BTBD9: variants seen among roughly 807,000 people sequenced by gnomAD.
BTBD9 encodes the protein BTB/POZ domain-containing protein 9.
A neutral mutation model predicts 64.3 loss-of-function variants in BTBD9; 49 were observed. The ratio of observed to expected loss-of-function variants is 0.76; its 90% CI spans 0.61 to 0.97. The LOEUF is 0.97. BTBD9 is among the 50% of genes least tolerant of loss of function. The probability of loss-of-function intolerance (pLI) is 0.00; values close to 1 mark genes in which losing one functional copy is unlikely to be tolerated. For synonymous variants in BTBD9, 260 were observed against 274.7 expected, an observed-to-expected ratio of 0.95 and a Z score of 0.53; for missense variants, 598 against 762.1, an observed-to-expected ratio of 0.78 and a Z score of 2.53.
intron 7 of BTBD9, among the ~76,000 whole-genome samples, chr6:38,328,674 G>A (rs373298779): frequency 2.7e-5 from 4 of 150,102 alleles, no homozygotes; most frequent in African/African-American, 9.8e-5. Flanking sequence ...GGGGCCGGGC[G>A]CGGTGGCTCA....
At chr6:38,575,564 T>G (rs1303924598) in intron 6 of BTBD9, among the ~76,000 whole-genome samples, 4 of 152,176 alleles carry the variant, frequency 2.6e-5, no homozygotes, top group Non-Finnish European at 5.9e-5. Flanking sequence ...TGAATAATTG[T>G]GAAGATAAGA....
rs79801947 is a variant in BTBD9 at position 38,624,842 on chromosome 6, T to C, written c.-28+14958A>G. 0.02 allele frequency among the ~76,000 whole-genome samples: 3,120 copies of C among 152,310 alleles called. 244 individuals carry two copies. The East Asian group carries it at 0.23, about 11-fold the overall frequency. ...GTCTAATAAGAACTGGTTTCAAGAA[T>C]TAGTGTACCTAGAATACATGGACTC... On this transcript the variant is annotated intron_variant, in intron 1 of 10. Coordinates refer to ENST00000481247, the MANE Select transcript of BTBD9 (RefSeq NM_001099272.2).
At chr6:38,188,651 CACTGTTATGG>C (rs1387451673) in intron 10 of BTBD9, among the ~76,000 whole-genome samples, 1 of 152,186 alleles carries the variant, frequency 6.6e-6, no homozygotes, top group Non-Finnish European at 1.5e-5. Flanking sequence ...AAACGAAGGC[CACTGTTATGG>C]ACTGATGCTT....
chr6:38,200,870 T>C (rs780083554), intron 9 of BTBD9, among the ~76,000 whole-genome samples: 1 of 152,034 alleles, frequency 6.6e-6, no homozygotes, highest in African/African-American at 2.4e-5. Flanking sequence ...CTTCAAACTA[T>C]TCTAAAAAAT....
At chr6:38,256,067 T>TAA (rs780657571) in intron 9 of BTBD9, among the ~76,000 whole-genome samples, 2 of 144,320 alleles carry the variant, frequency 1.4e-5, no homozygotes, top group African/African-American at 2.5e-5. Flanking sequence ...TTAAAAGTGT[T>TAA]AAAAAAAAAA....
At chr6:38,387,954 C>T (rs1204649986) in intron 6 of BTBD9, among the ~76,000 whole-genome samples, 1 of 152,180 alleles carries the variant, frequency 6.6e-6, no homozygotes, top group Non-Finnish European at 1.5e-5. Flanking sequence ...ATTTGAAATG[C>T]ATGTACTCAC....
chr6:38,316,361 T>C (rs748951964), intron 7 of BTBD9, among the ~76,000 whole-genome samples: 1 of 152,218 alleles, frequency 6.6e-6, no homozygotes, highest in Non-Finnish European at 1.5e-5. Context: ...GTTTCCTGGT[T>C]GTTCTGTGGT....
At chr6:38,511,635 C>G (rs180791057) in intron 6 of BTBD9, among the ~76,000 whole-genome samples, 1 of 152,118 alleles carries the variant, frequency 6.6e-6, no homozygotes, top group Admixed American at 6.5e-5. Flanking sequence ...AGCCACCGCT[C>G]CTGGCTGTAA....
Position 38,192,661 on chromosome 6 carries a change from G to A in BTBD9, c.1563-64C>T, listed in dbSNP as rs1762128216. 4 of 1,435,586 alleles carry A rather than the reference G, an allele frequency of 2.8e-6. No homozygotes were observed. The African/African-American group carries it at 4.2e-5, about 15-fold the overall frequency. 88.9% of individuals were successfully genotyped at this position (1,435,586 alleles called of 1,614,324 possible). ...CAGTTGACTCTCTGGTAGTGTGGCC[G>A]ATGGAGTCATGTCCACTGAGGAGGG... On this transcript the variant is annotated intron_variant, in intron 9 of 10. Transcript: ENST00000481247.
intron 9 of BTBD9, among the ~76,000 whole-genome samples, chr6:38,201,847 G>A (rs952622741): frequency 3.3e-5 from 5 of 152,006 alleles, no homozygotes; most frequent in Admixed American, 2.0e-4. Flanking sequence ...TACAATAGCT[G>A]CCATGGAAAA....
intron 6 of BTBD9, chr6:38,504,380 C>T (rs1394625967): frequency 3.0e-6 from 1 of 334,058 alleles, no homozygotes; most frequent in South Asian, 2.6e-5. Flanking sequence ...TACAAACTTC[C>T]TCATGTTACC....
At chr6:38,588,711 C>T (rs1245451111) in intron 4 of BTBD9, among the ~76,000 whole-genome samples, 1 of 152,170 alleles carries the variant, frequency 6.6e-6, no homozygotes, top group Non-Finnish European at 1.5e-5. Flanking sequence ...AAGTTCTTTC[C>T]TCCCTGCTTA....
Position 38,285,489 on chromosome 6 carries a change from T to C in BTBD9, c.1454+2783A>G, listed in dbSNP as rs569317499. Among the ~76,000 whole-genome samples, 4 of 151,434 alleles carry C rather than the reference T, an allele frequency of 2.6e-5. No individual in the cohort carries two copies. In the South Asian group the frequency reaches 6.3e-4, roughly 24 times the overall value. The stretch of plus-strand genomic sequence containing the variant: ...CCATTTTAGGCATCTTGGTTTGAGA[T>C]GCGCATAGAACACTGTTAGATGGTG... On this transcript the variant is annotated intron_variant, in intron 8 of 10. Transcript: ENST00000481247.
chr6:38,375,939 G>GAA (rs1341900940), intron 6 of BTBD9, among the ~76,000 whole-genome samples: 1 of 68,804 alleles, frequency 1.5e-5, no homozygotes, highest in East Asian at 2.8e-3. Flanking sequence ...AAGAAAGAAA[G>GAA]AAGGAAAGAA....
At chr6:38,546,014 T>C (rs958154491) in intron 6 of BTBD9, among the ~76,000 whole-genome samples, 4 of 152,044 alleles carry the variant, frequency 2.6e-5, no homozygotes, top group African/African-American at 9.7e-5. Context: ...CATCAGGTAG[T>C]AGCTAGTGGA....
In BTBD9 at chr6:38,353,288, G is replaced by T. The variant is rs150895187; in HGVS notation, c.1155-8195C>A. On this transcript the variant is annotated intron_variant, in intron 6 of 10. Coordinates refer to ENST00000481247, the MANE Select transcript of BTBD9 (RefSeq NM_001099272.2). ...TCAAGCAATGTCTTGCTTATTTCAT[G>T]GTTTAGTTTTCTTTTTGTTCTTTCC... is the stretch of plus-strand genomic sequence containing the variant. Among the ~76,000 whole-genome samples, 741 of 152,206 alleles carry T rather than the reference G, an allele frequency of 4.9e-3. 6 individuals carry two copies. Among genetic ancestry groups the T allele is most frequent in the Non-Finnish European group, 6.0e-3 (407 of 68,002 alleles).
chr6:38,597,770 G>A, intron 2 of BTBD9, 140 bp downstream of exon 2: 1 of 718,598 alleles, frequency 1.4e-6, no homozygotes, highest in Non-Finnish European at 2.3e-6. Context: ...AAGTCTACAA[G>A]GATGAAATCT....
At chr6:38,518,930 T>C (rs1278813095) in intron 6 of BTBD9, among the ~76,000 whole-genome samples, 1 of 152,092 alleles carries the variant, frequency 6.6e-6, no homozygotes, top group African/African-American at 2.4e-5. Context: ...AAAAGTGATA[T>C]ACCAATTAAA....
chr6:38,395,930 C>T (rs1277968600), intron 6 of BTBD9, among the ~76,000 whole-genome samples: 3 of 152,210 alleles, frequency 2.0e-5, no homozygotes, highest in East Asian at 1.9e-4. Context: ...AGGATGGTCT[C>T]GATCTCCTGA....
Sources: gnomAD v4.1 joint callset for allele counts (sites outside exome capture counted in the v4.1 genomes callset) on GRCh38, gnomAD v4.1.1 for gene constraint, MANE v1.5 for transcripts, NCBI Gene and HGNC (gene_info 2026-07-23, HGNC 2026-07-21) for gene names.